BRINP3: variants seen among roughly 807,000 people sequenced by gnomAD.
The protein encoded by BRINP3 is BMP/retinoic acid inducible neural specific 3.
Under a neutral mutation model 71.0 loss-of-function variants are expected in BRINP3, and 19 were observed. The ratio of observed to expected loss-of-function variants is 0.27; its 90% confidence interval spans 0.19 to 0.39. The LOEUF (loss-of-function observed/expected upper bound fraction) is 0.39. Among genes scored for constraint, BRINP3 ranks in the 10% least tolerant of loss-of-function variants. The pLI is 1.00. For missense variants in BRINP3, 959 were observed against 940.8 expected (o/e 1.02, Z -0.25); for synonymous variants, 380 against 337.7 (o/e 1.13, Z -1.37).
chr1:190,116,473 C>T (rs947355225), intron 7 of BRINP3, among the ~76,000 whole-genome samples: 2 of 152,032 alleles, frequency 1.3e-5, no homozygotes, highest in Admixed American at 1.3e-4. Flanking sequence ...TGGTGTTAGA[C>T]AAAAACACCT....
intron 6 of BRINP3, among the ~76,000 whole-genome samples, chr1:190,185,221 T>G (rs1002034734): frequency 3.3e-5 from 5 of 152,132 alleles, no homozygotes; most frequent in Non-Finnish European, 7.4e-5. Flanking sequence ...GATAATGGGT[T>G]TATTTCCAAA....
At chr1:190,139,001 G>C (rs989276666) in intron 7 of BRINP3, among the ~76,000 whole-genome samples, 1 of 152,078 alleles carries the variant, frequency 6.6e-6, no homozygotes, top group South Asian at 2.1e-4. Context: ...GAGAGAAAAA[G>C]CCTTGAGAGG....
chr1:190,149,409 T>C (rs2102415742), intron 7 of BRINP3, among the ~76,000 whole-genome samples: 1 of 152,332 alleles, frequency 6.6e-6, no homozygotes, highest in South Asian at 2.1e-4. Flanking sequence ...TATTATTGCA[T>C]ATTGATGAAT....
At chr1:190,335,089 G>A (rs1667203666) in intron 2 of BRINP3, among the ~76,000 whole-genome samples, 1 of 151,726 alleles carries the variant, frequency 6.6e-6, no homozygotes, top group Non-Finnish European at 1.5e-5. Context: ...GGAAAATTTA[G>A]TTAGCCATAG....
At chr1:190,331,800 T>G (rs1666982532) in intron 2 of BRINP3, among the ~76,000 whole-genome samples, 1 of 152,028 alleles carries the variant, frequency 6.6e-6, no homozygotes, top group South Asian at 2.1e-4. Context: ...AATTGTGGCA[T>G]CTATTACTTG....
At chr1:190,339,177 A>G (rs1667490353) in intron 2 of BRINP3, among the ~76,000 whole-genome samples, 2 of 152,060 alleles carry the variant, frequency 1.3e-5, no homozygotes, top group South Asian at 4.1e-4. Flanking sequence ...AAAGCCTCAC[A>G]AAAATAGTTA....
chr1:190,476,951 C>T (rs1677540586), intron 1 of BRINP3, among the ~76,000 whole-genome samples: 1 of 152,176 alleles, frequency 6.6e-6, no homozygotes, highest in African/African-American at 2.4e-5. Context: ...CATAAAAATA[C>T]ACTTTGCAAC....
intron 2 of BRINP3, among the ~76,000 whole-genome samples, chr1:190,369,211 T>G (rs1669700101): frequency 6.6e-6 from 1 of 152,174 alleles, no homozygotes; most frequent in Admixed American, 6.6e-5. Flanking sequence ...TCTTTTGTTG[T>G]TATTATAATC....
intron 2 of BRINP3, among the ~76,000 whole-genome samples, chr1:190,435,087 T>C (rs940759634): frequency 6.6e-6 from 1 of 152,168 alleles, no homozygotes; most frequent in African/African-American, 2.4e-5. Flanking sequence ...ATTATTTGCA[T>C]GCAACAAAAA....
rs1313198317 is a variant in BRINP3, at chr1:190,226,099, C to T, written c.944G>A (p.Ser315Asn). ...RITETWKAYN[S>N]DFEESDEFKL... ...TGTCTTACCTGATTCCTCAAAGTCA[C>T]TGTTGTAAGCTTTCCAGGTTTCAGT... Residue 315 changes from serine (S) to asparagine (N), a missense_variant, in exon 6 of 8, where the codon AGT becomes AAT. Transcript: ENST00000367462. The T allele has an allele frequency of 2.5e-6, 4 of 1,589,428 alleles. No homozygotes were observed. The East Asian group carries it at 9.2e-5, about 36-fold the overall frequency.
intron 2 of BRINP3, among the ~76,000 whole-genome samples, chr1:190,282,233 G>T (rs1663094948): frequency 6.7e-6 from 1 of 150,332 alleles, no homozygotes; most frequent in South Asian, 2.1e-4. Context: ...CAACAAAAAA[G>T]AAATCAGTTT....
At chr1:190,268,949 T>G (rs1382099221) in intron 3 of BRINP3, among the ~76,000 whole-genome samples, 1 of 152,140 alleles carries the variant, frequency 6.6e-6, no homozygotes, top group Non-Finnish European at 1.5e-5. Context: ...TATTAATATT[T>G]TGTTTCCTGG....
chr1:190,467,923 G>T (rs566590230), intron 1 of BRINP3, among the ~76,000 whole-genome samples: 2 of 151,438 alleles, frequency 1.3e-5, no homozygotes, highest in East Asian at 3.9e-4. Context: ...GAGACATTAC[G>T]ATATCTGACA....
intron 2 of BRINP3, among the ~76,000 whole-genome samples, chr1:190,301,573 G>A (rs1664741932): frequency 6.6e-6 from 1 of 151,082 alleles, no homozygotes; most frequent in Admixed American, 6.6e-5. Flanking sequence ...TCCTGAAAAT[G>A]TATGAAATAA....
intron 5 of BRINP3, among the ~76,000 whole-genome samples, chr1:190,227,828 T>C (rs1657546090): frequency 6.6e-6 from 1 of 151,908 alleles, no homozygotes; most frequent in Non-Finnish European, 1.5e-5. Flanking sequence ...AAGAGGTGCT[T>C]ACACACATAA....
chr1:190,228,869 C>A (rs1288226538), intron 5 of BRINP3, among the ~76,000 whole-genome samples: 1 of 151,876 alleles, frequency 6.6e-6, no homozygotes, highest in African/African-American at 2.4e-5. Context: ...CTACCTAGTG[C>A]TGGAACAATG....
chr1:190,211,218 A>G (rs1655959748), intron 6 of BRINP3, among the ~76,000 whole-genome samples: 1 of 152,068 alleles, frequency 6.6e-6, no homozygotes, highest in Admixed American at 6.6e-5. Flanking sequence ...GTGATCTGAG[A>G]TCGTGCCACT....
chr1:190,433,474 C>T (rs1334370886), intron 2 of BRINP3, among the ~76,000 whole-genome samples: 2 of 152,118 alleles, frequency 1.3e-5, no homozygotes, highest in Admixed American at 1.3e-4. Context: ...ATTTTCTTTG[C>T]CTGGAATGTG....
chr1:190,467,515 C>T (rs1676840021), intron 1 of BRINP3, among the ~76,000 whole-genome samples: 1 of 151,444 alleles, frequency 6.6e-6, no homozygotes, highest in African/African-American at 2.4e-5. Context: ...TTAAAGAATG[C>T]CTCTTTAGAA....
Sources: gnomAD v4.1 joint callset for allele counts (sites outside exome capture counted in the v4.1 genomes callset) on GRCh38, gnomAD v4.1.1 for gene constraint, MANE v1.5 for transcripts, NCBI Gene and HGNC (gene_info 2026-07-23, HGNC 2026-07-21) for gene names.